FAM20C: variants seen among roughly 807,000 people sequenced by gnomAD.
FAM20C encodes FAM20C golgi associated secretory pathway kinase, also known as extracellular serine/threonine protein kinase FAM20C.
A neutral mutation model predicts 51.5 loss-of-function variants in FAM20C; 40 were observed. The observed-to-expected ratio is 0.78, with a 90% CI of 0.60 to 1.01. The LOEUF (loss-of-function observed/expected upper bound fraction) is 1.01. FAM20C is among the 50% of genes least tolerant of loss of function. FAM20C has a pLI of 0.00. For synonymous variants in FAM20C, 406 were observed against 380.6 expected (o/e 1.07, Z -0.78); for missense variants, 861 against 844.7 (o/e 1.02, Z -0.24).
At chr7:209,786 T>A (rs903652219) in intron 3 of FAM20C, among the ~76,000 whole-genome samples, 1 of 152,234 alleles carries the variant, frequency 6.6e-6, no homozygotes, top group African/African-American at 2.4e-5. Context: ...CCTGTTTTAA[T>A]CTTGGTGGTA....
intron 2 of FAM20C, among the ~76,000 whole-genome samples, chr7:203,387 G>A (rs1786217680): frequency 6.6e-6 from 1 of 152,084 alleles, no homozygotes; most frequent in Non-Finnish European, 1.5e-5. Flanking sequence ...TTTTTTTCAA[G>A]GCCTGGCCTG....
chr7:235,640 T>C (rs1425518544), intron 3 of FAM20C, among the ~76,000 whole-genome samples: 1 of 152,228 alleles, frequency 6.6e-6, no homozygotes. Flanking sequence ...CAGCGCCGTC[T>C]CCTCCCGCTC....
At chr7:257,817 C>CA (rs1788654553) in intron 8 of FAM20C, among the ~76,000 whole-genome samples, 1 of 56,630 alleles carries the variant, frequency 1.8e-5, no homozygotes, top group Non-Finnish European at 3.9e-5. Context: ...ACCCACTGCC[C>CA]GGGGTGCTGG....
Position 255,936 on chromosome 7 carries a change from C to G in FAM20C, c.1160C>G (p.Ser387Trp). 1 of 1,536,278 alleles carries G rather than the reference C, an allele frequency of 6.5e-7. No individual in the cohort carries two copies. The highest frequency in any genetic ancestry group is 8.7e-7 in the Non-Finnish European group (1 of 1,146,838). Residue 387 changes from serine (S) to tryptophan (W), a missense_variant, in exon 6 of 10, where the codon TCG becomes TGG. By Grantham distance (177) the Ser-to-Trp change is radical. Around this residue, in one of 3 missense-constraint regions of FAM20C, gnomAD observed 269 missense variants for 283.8 expected, o/e 0.95. Transcript: ENST00000313766. ...GGGAAGCCAGACCAGATCGAGGGCT[C>G]GCTGGCGGCCTTCCTGCCCGACCTG... The part of the protein sequence containing the change: ...LCGKPDQIEG[S>W]LAAFLPDLSL...
At chr7:258,273 G>A (rs1310143622) in intron 8 of FAM20C, among the ~76,000 whole-genome samples, 7 of 130,238 alleles carry the variant, frequency 5.4e-5, no homozygotes, top group Admixed American at 1.4e-4. Flanking sequence ...GATAGGCAGG[G>A]TGGACCCACT....
chr7:214,358 C>T (rs1484205126), intron 3 of FAM20C, among the ~76,000 whole-genome samples: 1 of 152,110 alleles, frequency 6.6e-6, no homozygotes, highest in Non-Finnish European at 1.5e-5. Flanking sequence ...GTTCTAAATA[C>T]AAGACCTTTA....
At position 259,817 on chromosome 7, in the gene FAM20C, G is replaced by C. The variant is rs1216009504; in HGVS notation, c.1592G>C (p.Gly531Ala). The change falls in exon 10 of 10, where the codon GGG becomes GCG. Residue 531 changes from glycine (G) to alanine (A), a missense_variant. Around this residue, in one of 3 missense-constraint regions of FAM20C, gnomAD observed 269 missense variants for 283.8 expected, o/e 0.95. Coordinates refer to ENST00000313766, the MANE Select transcript of FAM20C (RefSeq NM_020223.4). ...LSLLMAESLR[G>A]DQVAPVLYQP... ...CTGCTGATGGCCGAGTCTCTGCGGG[G>C]GGACCAGGTGGCACCCGTGCTGTAC... 6.5e-7 allele frequency: 1 copy of C among 1,536,504 alleles called. No homozygotes were observed. Among genetic ancestry groups the C allele is most frequent in the South Asian group, 1.2e-5 (1 of 84,062 alleles).
At chr7:201,445 G>T (rs1000052901) in intron 2 of FAM20C, among the ~76,000 whole-genome samples, 2 of 152,194 alleles carry the variant, frequency 1.3e-5, no homozygotes, top group African/African-American at 4.8e-5. Flanking sequence ...AAGGATGAGT[G>T]GTGGCTGCAC....
Position 255,955 on chromosome 7 carries a change from C to T in FAM20C, c.1179C>T (p.Pro393=), listed in dbSNP as rs527427394. 10 of 1,536,112 alleles carry T rather than the reference C, an allele frequency of 6.5e-6. No homozygotes were observed. Among genetic ancestry groups the T allele is most frequent in the East Asian group, 4.9e-5 (2 of 40,912 alleles). The stretch of plus-strand genomic sequence containing the variant: ...AGGGCTCGCTGGCGGCCTTCCTGCC[C>T]GACCTGTCCCTGGCCAAGAGGAAGA... ...QIEGSLAAFL[P]DLSLAKRKTW... The change falls in exon 6 of 10, where the codon CCC becomes CCT. Residue 393 remains proline, a synonymous_variant. Transcript: ENST00000313766.
chr7:231,132 C>T (rs1394508434), intron 3 of FAM20C, among the ~76,000 whole-genome samples: 1 of 152,114 alleles, frequency 6.6e-6, no homozygotes, highest in Non-Finnish European at 1.5e-5. Flanking sequence ...CAGCAGGACC[C>T]TCCCATCCAA....
In FAM20C at chr7:232,749, G is replaced by A. The variant is rs997924059; in HGVS notation, c.864-13666G>A. Among the ~76,000 whole-genome samples the A allele has an allele frequency of 9.2e-5, 14 of 152,366 alleles. No individual in the cohort carries two copies. The South Asian group carries it at 1.4e-3, about 16-fold the overall frequency. The stretch of plus-strand genomic sequence containing the variant: ...GGGGCCAGCTCCGGGAATGCCTAGC[G>A]CCGCGGCTGACCGGCCCCTCGGCCG... On this transcript the variant is annotated intron_variant, in intron 3 of 9. Coordinates refer to ENST00000313766, the MANE Select transcript of FAM20C (RefSeq NM_020223.4).
At chr7:219,609 A>G (rs1207010392) in intron 3 of FAM20C, among the ~76,000 whole-genome samples, 1 of 152,206 alleles carries the variant, frequency 6.6e-6, no homozygotes, top group Non-Finnish European at 1.5e-5. Flanking sequence ...TGGGAGCCAC[A>G]GGAAAAGCAA....
At chr7:244,179 G>A (rs193119023) in intron 3 of FAM20C, among the ~76,000 whole-genome samples, 100 of 152,084 alleles carry the variant, frequency 6.6e-4, no homozygotes, top group Non-Finnish European at 1.0e-3. Flanking sequence ...ATGCTGGGCC[G>A]TTCTGGGGAG....
At chr7:248,644 G>A (rs1342830683) in intron 5 of FAM20C, among the ~76,000 whole-genome samples, 1 of 89,372 alleles carries the variant, frequency 1.1e-5, no homozygotes, top group Non-Finnish European at 2.2e-5. Flanking sequence ...CATTCATCTC[G>A]CCAGGTAGCC....
chr7:206,905 G>T (rs113809448), intron 2 of FAM20C, among the ~76,000 whole-genome samples: 2 of 39,538 alleles, frequency 5.1e-5, no homozygotes, highest in African/African-American at 1.2e-4. Context: ...GTGACGCGTC[G>T]GTCACTGTCC....
intron 5 of FAM20C, among the ~76,000 whole-genome samples, chr7:251,637 C>G (rs901200336): frequency 1.3e-5 from 2 of 152,220 alleles, no homozygotes; most frequent in Admixed American, 6.5e-5. Flanking sequence ...GGACGGTGGT[C>G]ACCGGAGTGC....
At chr7:234,182 C>CGGGCT (rs1787780942) in intron 3 of FAM20C, among the ~76,000 whole-genome samples, 1 of 152,246 alleles carries the variant, frequency 6.6e-6, no homozygotes, top group African/African-American at 2.4e-5. Flanking sequence ...AGAGCCTTCC[C>CGGGCT]GGGCTCGGCC....
intron 3 of FAM20C, among the ~76,000 whole-genome samples, chr7:244,204 T>C (rs1788058201): frequency 6.6e-6 from 1 of 152,100 alleles, no homozygotes; most frequent in Non-Finnish European, 1.5e-5. Flanking sequence ...TGTGCAGACG[T>C]AAGGCTCGAA....
intron 2 of FAM20C, chr7:197,501 G>A (rs1042679253): frequency 6.0e-6 from 1 of 167,052 alleles, no homozygotes; most frequent in Middle Eastern, 3.4e-3. Context: ...GTCCGTATGA[G>A]CTTCTCTCCA....
Sources: allele counts gnomAD v4.1 joint callset (sites outside exome capture counted in the v4.1 genomes callset), GRCh38; gene constraint gnomAD v4.1.1; regional missense constraint gnomAD v4.1.1; transcripts MANE v1.5; gene names NCBI Gene and HGNC (gene_info 2026-07-23, HGNC 2026-07-21).